LINGO2: variants seen among roughly 807,000 people sequenced by gnomAD.
LINGO2 encodes leucine rich repeat and Ig domain containing 2, also known as leucine-rich repeat and immunoglobulin-like domain-containing nogo receptor-interacting protein 2.
A neutral mutation model predicts 30.6 loss-of-function variants in LINGO2; 14 were observed. The ratio of observed to expected loss-of-function variants is 0.46; its 90% confidence interval spans 0.30 to 0.72. The LOEUF (loss-of-function observed/expected upper bound fraction) is 0.72. Ranked by LOEUF, LINGO2 falls within the 30% of genes least tolerant of loss-of-function variation. The probability of loss-of-function intolerance (pLI) is 0.07; values close to 1 mark genes in which losing one functional copy is unlikely to be tolerated. For missense variants in LINGO2, 729 were observed against 751.7 expected (o/e 0.97, Z 0.35); for synonymous variants, 317 against 288.5 (o/e 1.10, Z -1.00).
At chr9:28,699,477 T>C in the LINGO2 span, among the ~76,000 whole-genome samples, 1 of 152,052 alleles carries the variant, frequency 6.6e-6, no homozygotes, top group African/African-American at 2.4e-5. Flanking sequence ...ATCACTGTGA[T>C]GATTGGGTTA....
At chr9:28,883,628 G>GTGTATGTATATATATA in the LINGO2 span, among the ~76,000 whole-genome samples, 20 of 64,178 alleles carry the variant, frequency 3.1e-4, no homozygotes, top group African/African-American at 1.0e-3. Flanking sequence ...ATGTGTGTGT[G>GTGTATGTATATATATA]TATATATATA....
At position 28,479,956 on chromosome 9, in the gene LINGO2, T is replaced by TATAC. The variant is rs1491144467; in HGVS notation, c.-364-3932_-364-3931insGTAT. Among the ~76,000 whole-genome samples, 264 of 104,966 alleles carry TATAC rather than the reference T, an allele frequency of 2.5e-3. 5 individuals are homozygous for TATAC. The highest frequency in any genetic ancestry group is 3.3e-3 in the South Asian group (10 of 3,028). 68.9% of individuals were successfully genotyped at this position (104,966 alleles called of 152,430 possible). A position where few individuals can be genotyped will look rare whatever the true frequency, so the allele number is the denominator to read the frequency against. ...ATATATATATATATATATATATATA[T>TATAC]GTACATTTTGAGAGAAACTTAAATA... On this transcript the variant is annotated intron_variant, in intron 1 of 5. Coordinates refer to ENST00000379992, the Ensembl canonical transcript of LINGO2.
the LINGO2 span, among the ~76,000 whole-genome samples, chr9:28,871,510 A>G: frequency 2.0e-5 from 3 of 151,836 alleles, no homozygotes; most frequent in South Asian, 4.1e-4. Context: ...TCATATGACA[A>G]TATATTCAGC....
chr9:28,351,847 T>C (rs1456194376), intron 3 of LINGO2, among the ~76,000 whole-genome samples: 2 of 149,994 alleles, frequency 1.3e-5, no homozygotes, highest in Admixed American at 6.6e-5. Context: ...TGGTTCAATA[T>C]ATGCAAATCA....
At chr9:28,528,685 A>C (rs916192012) in intron 1 of LINGO2, among the ~76,000 whole-genome samples, 24 of 152,264 alleles carry the variant, frequency 1.6e-4, no homozygotes, top group Middle Eastern at 3.4e-3. Flanking sequence ...AAGAGATACT[A>C]AAATTTGTCC....
the LINGO2 span, among the ~76,000 whole-genome samples, chr9:29,213,547 G>T: frequency 6.6e-6 from 1 of 152,100 alleles, no homozygotes; most frequent in African/African-American, 2.4e-5. Context: ...CGGGACGCAG[G>T]ATAGCCGGCT....
chr9:29,180,079 A>G, the LINGO2 span, among the ~76,000 whole-genome samples: 160 of 152,356 alleles, frequency 1.1e-3, 1 homozygote, highest in Non-Finnish European at 1.9e-3. Flanking sequence ...GCAGTAAAGA[A>G]CAGAAGGATG....
intron 1 of LINGO2, among the ~76,000 whole-genome samples, chr9:28,659,639 A>G (rs1828508943): frequency 6.6e-6 from 1 of 151,886 alleles, no homozygotes; most frequent in Non-Finnish European, 1.5e-5. Flanking sequence ...TGTAGATACA[A>G]GGTTTTGCCA....
At chr9:29,136,845 G>A in the LINGO2 span, among the ~76,000 whole-genome samples, 1 of 152,070 alleles carries the variant, frequency 6.6e-6, no homozygotes, top group Non-Finnish European at 1.5e-5. Flanking sequence ...CATCTCACCT[G>A]TCTTAAAATC....
intron 4 of LINGO2, among the ~76,000 whole-genome samples, chr9:28,160,862 T>C (rs1015224708): frequency 1.3e-5 from 2 of 152,146 alleles, no homozygotes; most frequent in Non-Finnish European, 2.9e-5. Context: ...GCTCCATATC[T>C]CAATTTCTTA....
At chr9:29,134,729 TACTC>T in the LINGO2 span, among the ~76,000 whole-genome samples, 1 of 152,106 alleles carries the variant, frequency 6.6e-6, no homozygotes, top group Non-Finnish European at 1.5e-5. Context: ...TTTACAAAGG[TACTC>T]AATCTATAAA....
chr9:28,326,586 T>C (rs1430189766), intron 3 of LINGO2, among the ~76,000 whole-genome samples: 1 of 152,238 alleles, frequency 6.6e-6, no homozygotes, highest in Non-Finnish European at 1.5e-5. Flanking sequence ...CATGAGATGG[T>C]ATGTTCCATG....
chr9:28,200,996 C>CT (rs374650039), intron 4 of LINGO2, among the ~76,000 whole-genome samples: 116 of 144,260 alleles, frequency 8.0e-4, no homozygotes, highest in Non-Finnish European at 8.1e-4. Context: ...ACAGATTCAG[C>CT]TTTTTTTTTT....
intron 2 of LINGO2, among the ~76,000 whole-genome samples, chr9:28,445,199 G>T (rs111875152): frequency 6.6e-6 from 1 of 152,060 alleles, no homozygotes; most frequent in African/African-American, 2.4e-5. Flanking sequence ...AGAAGTTATC[G>T]TTATTTCTTG....
At chr9:28,195,906 G>A (rs897902490) in intron 4 of LINGO2, among the ~76,000 whole-genome samples, 22 of 151,578 alleles carry the variant, frequency 1.5e-4, no homozygotes, top group African/African-American at 5.1e-4. Context: ...TAAGTTATCA[G>A]CAAATCAAAT....
intron 1 of LINGO2, among the ~76,000 whole-genome samples, chr9:28,525,543 T>A (rs903810842): frequency 2.0e-5 from 3 of 152,164 alleles, no homozygotes; most frequent in Admixed American, 6.5e-5. Flanking sequence ...AACATTATGC[T>A]AAGTAAAAGA....
At chr9:28,004,838 A>C (rs933324741) in intron 5 of LINGO2, among the ~76,000 whole-genome samples, 5 of 152,196 alleles carry the variant, frequency 3.3e-5, no homozygotes, top group African/African-American at 1.2e-4. Context: ...ATGTTGGAGA[A>C]TGCGGCAGGG....
intron 1 of LINGO2, among the ~76,000 whole-genome samples, chr9:28,552,495 T>C (rs1234661777): frequency 6.6e-6 from 1 of 152,088 alleles, no homozygotes; most frequent in African/African-American, 2.4e-5. Context: ...AAAGCTTAAA[T>C]ATTTCCTTTC....
At chr9:28,162,110 C>T (rs1376323375) in intron 4 of LINGO2, among the ~76,000 whole-genome samples, 1 of 151,922 alleles carries the variant, frequency 6.6e-6, no homozygotes, top group Non-Finnish European at 1.5e-5. Flanking sequence ...CCATATATTG[C>T]CTGCATTCTT....
Sources: allele counts gnomAD v4.1 joint callset (sites outside exome capture counted in the v4.1 genomes callset), GRCh38; gene constraint gnomAD v4.1.1; transcripts MANE v1.5; gene names NCBI Gene and HGNC (gene_info 2026-07-23, HGNC 2026-07-21).